Variants in ITGA3 observed in about 807,000 individuals in gnomAD.
ITGA3 encodes integrin alpha-3.
Under a neutral mutation model 131.1 loss-of-function variants are expected in ITGA3, and 70 were observed. The observed-to-expected ratio is 0.53, with a 90% CI of 0.44 to 0.65. ITGA3 has a LOEUF of 0.65. Ranked by LOEUF, ITGA3 falls within the 30% of genes least tolerant of loss-of-function variation. The pLI is 0.00. For missense variants in ITGA3, 1,098 were observed against 1,388.6 expected, an observed-to-expected ratio of 0.79 and a Z score of 3.33; for synonymous variants, 537 against 571.6, an observed-to-expected ratio of 0.94 and a Z score of 0.86.
At chr17:50,075,578 G>C (rs1444474946) in intron 11 of ITGA3, 21 bp from the exon 12 acceptor site, 4 of 1,614,130 alleles carry the variant, frequency 2.5e-6, no homozygotes, top group Non-Finnish European at 3.4e-6. Context: ...TCCCCTTGCT[G>C]ACCACCCTGT....
chr17:50,070,777 G>T (rs1333550856), intron 4 of ITGA3, 67 bp from the exon 5 acceptor site: 28 of 1,028,510 alleles, frequency 2.7e-5, no homozygotes, highest in Non-Finnish European at 4.2e-5. Context: ...GGCTGGACAT[G>T]GTAGAGGAAA....
chr17:50,071,836 C>G (rs1052421074), intron 6 of ITGA3, 150 bp from the exon 7 acceptor site: 1 of 684,844 alleles, frequency 1.5e-6, no homozygotes, highest in African/African-American at 1.8e-5. Flanking sequence ...CATGTCCTTC[C>G]CATGCACATG....
chr17:50,074,118 C>T (rs754513773), intron 8 of ITGA3, 26 bp from the exon 9 acceptor site: 1 of 1,601,082 alleles, frequency 6.2e-7, no homozygotes, highest in East Asian at 2.2e-5. Flanking sequence ...CCAGAGCCTG[C>T]CCCCACCACT....
chr17:50,070,834 C>G lies in ITGA3; in HGVS notation c.665-10C>G. The stretch of plus-strand genomic sequence containing the variant: ...TACTCCCTACTCTCCCTCCCTCAAT[C>G]CCTGTGAAGGAAACAGCTACATGAT... On this transcript the variant is annotated splice_polypyrimidine_tract_variant and intron_variant, in intron 4 of 25. Coordinates refer to ENST00000320031, the MANE Select transcript of ITGA3 (RefSeq NM_002204.4). 1.3e-6 allele frequency: 2 copies of G among 1,593,460 alleles called. No homozygotes were observed. The highest frequency in any genetic ancestry group is 2.2e-5 in the South Asian group (2 of 90,672).
chr17:50,059,290 C>T (rs1173807018), intron 1 of ITGA3, among the ~76,000 whole-genome samples: 1 of 152,212 alleles, frequency 6.6e-6, no homozygotes, highest in Admixed American at 6.5e-5. Flanking sequence ...TGCTCCAGCA[C>T]CTGCACTGAC....
In ITGA3 at chr17:50,089,226, C is replaced by T; in HGVS notation, c.*148C>T. On this transcript the variant is annotated 3_prime_UTR_variant, in exon 26 of 26. Coordinates refer to ENST00000320031, the MANE Select transcript of ITGA3 (RefSeq NM_002204.4). ...GGAGCACCCTGCCCACCAAGAAGCA[C>T]TGGGTGACCAGCTGGCAGACTCGGG... The T allele has an allele frequency of 6.2e-7, 1 of 1,613,848 alleles. No homozygotes were observed. The highest frequency in any genetic ancestry group is 8.5e-7 in the Non-Finnish European group (1 of 1,179,974).
intron 16 of ITGA3, among the ~76,000 whole-genome samples, chr17:50,077,708 CCT>C (rs1392985288): frequency 6.6e-6 from 1 of 152,166 alleles, no homozygotes; most frequent in Non-Finnish European, 1.5e-5. Context: ...TGTGCCAGCC[CCT>C]GAGCCCAACA....
At chr17:50,074,569 T>G (rs1330316599) in intron 10 of ITGA3, 35 bp downstream of exon 10, 1 of 1,476,230 alleles carries the variant, frequency 6.8e-7, no homozygotes, top group Non-Finnish European at 9.5e-7. Context: ...CCTCATTTAT[T>G]TATAGGGAGG....
intron 1 of ITGA3, among the ~76,000 whole-genome samples, chr17:50,058,755 T>A (rs569126985): frequency 1.3e-5 from 2 of 152,368 alleles, no homozygotes; most frequent in Middle Eastern, 6.8e-3. Context: ...TGCAGCCAGC[T>A]GTGTAGCCAG....
chr17:50,085,586 C>T (rs1909351205), intron 23 of ITGA3, among the ~76,000 whole-genome samples: 1 of 151,714 alleles, frequency 6.6e-6, no homozygotes, highest in Non-Finnish European at 1.5e-5. Flanking sequence ...ATTGCTTGAG[C>T]CCAGGAGGCA....
chr17:50,056,769 C>G lies in ITGA3; in HGVS notation c.206+124C>G. Reference sequence around the variant, plus strand: ...GGAGCCAGGATTAAGGGGCGGCCCTCTGGCTGCTGGGGGTTGGCGGGAAGT... The same window carrying G: ...GGAGCCAGGATTAAGGGGCGGCCCTGTGGCTGCTGGGGGTTGGCGGGAAGT... On this transcript the variant is annotated intron_variant, in intron 1 of 25. Coordinates refer to ENST00000320031, the MANE Select transcript of ITGA3 (RefSeq NM_002204.4). This position sits in a 1 kb window ranked among gnomAD's most constrained non-coding sequence, Gnocchi z 5.6. 1 of 963,996 alleles carries G rather than the reference C, an allele frequency of 1.0e-6. No individual in the cohort carries two copies. The highest frequency in any genetic ancestry group is 1.5e-6 in the Non-Finnish European group (1 of 661,030). The allele number at this position is 963,996 out of a possible 1,614,324, so 59.7% of individuals were successfully genotyped here.
At chr17:50,058,660 T>C (rs1023442919) in intron 1 of ITGA3, among the ~76,000 whole-genome samples, 13 of 152,248 alleles carry the variant, frequency 8.5e-5, no homozygotes, top group Non-Finnish European at 1.8e-4. Flanking sequence ...CAGTCTTTCC[T>C]AAGGGTGGTT....
chr17:50,061,405 C>A (rs1343132084), intron 1 of ITGA3, among the ~76,000 whole-genome samples: 1 of 152,106 alleles, frequency 6.6e-6, no homozygotes, highest in Non-Finnish European at 1.5e-5. Flanking sequence ...GGCATGGAGA[C>A]CCTTTTGCTC....
chr17:50,081,934 A>G (rs1909203729), intron 23 of ITGA3, among the ~76,000 whole-genome samples: 1 of 152,246 alleles, frequency 6.6e-6, no homozygotes, highest in Admixed American at 6.5e-5. Flanking sequence ...TTCAGCCATG[A>G]GAACCTGGTG....
rs79681848 is a variant in ITGA3 at position 50,062,179 on chromosome 17, C to T, written c.207-1898C>T. ...TTAGCTATGGCTTCATATCAGAACA[C>T]CTTTTTGTAGAATAGACCTATTTGT... is the stretch of plus-strand genomic sequence containing the variant. On this transcript the variant is annotated intron_variant, in intron 1 of 25. Transcript: ENST00000320031. Among the ~76,000 whole-genome samples the T allele has an allele frequency of 2.6e-4, 40 of 152,312 alleles. No homozygotes were observed. In the East Asian group the frequency reaches 6.5e-3, roughly 25 times the overall value.
At chr17:50,078,545 T>C (rs1858902) in intron 18 of ITGA3, among the ~76,000 whole-genome samples, 1 of 152,150 alleles carries the variant, frequency 6.6e-6, no homozygotes, top group African/African-American at 2.4e-5. Context: ...TAAGAGCTCA[T>C]TGTGCTAAGG....
intron 10 of ITGA3, 90 bp from the exon 11 acceptor site, chr17:50,075,369 G>C: frequency 7.4e-7 from 1 of 1,353,162 alleles, no homozygotes; most frequent in East Asian, 2.3e-5. Flanking sequence ...GAAGGGCCTC[G>C]GTTTCCTTTT....
rs996956350 is a variant in ITGA3, at chr17:50,056,917, C to T, written c.206+272C>T. ...GAGAGCGGAAGTGGGGTCCCGGTGG[C>T]TGAGTCCTCTCCCATTCTGTGAACC... On this transcript the variant is annotated intron_variant, in intron 1 of 25. Transcript: ENST00000320031. The surrounding 1 kb of genome is among the most constrained non-coding windows in gnomAD (Gnocchi z 5.6). Among the ~76,000 whole-genome samples, 1 of 152,184 alleles carries T rather than the reference C, an allele frequency of 6.6e-6. No individual in the cohort carries two copies. The highest frequency in any genetic ancestry group is 2.4e-5 in the African/African-American group (1 of 41,442).
At chr17:50,088,517 C>T (rs1026163545) in intron 25 of ITGA3, among the ~76,000 whole-genome samples, 151 bp downstream of exon 25, 2 of 152,126 alleles carry the variant, frequency 1.3e-5, no homozygotes, top group Non-Finnish European at 2.9e-5. Context: ...GACTGTCCCT[C>T]CAGCCCCCTG....
Sources: gnomAD v4.1 joint callset for allele counts (sites outside exome capture counted in the v4.1 genomes callset) on GRCh38, gnomAD v4.1.1 for gene constraint, Gnocchi (gnomAD v3.1) non-coding constraint, MANE v1.5 for transcripts, NCBI Gene and HGNC (gene_info 2026-07-23, HGNC 2026-07-21) for gene names.